DYNC2H1: variants seen among roughly 807,000 people sequenced by gnomAD.
The protein encoded by DYNC2H1 is cytoplasmic dynein 2 heavy chain 1.
A neutral mutation model predicts 570.0 loss-of-function variants in DYNC2H1; 410 were observed. The observed-to-expected ratio is 0.72, with a 90% CI of 0.66 to 0.78. The LOEUF is 0.78. DYNC2H1 is among the 30% of genes least tolerant of loss of function. The pLI is 0.00. For synonymous variants in DYNC2H1, 1,688 were observed against 1,677.6 expected, an observed-to-expected ratio of 1.01 and a Z score of -0.15; for missense variants, 4,865 against 5,046.4, an observed-to-expected ratio of 0.96 and a Z score of 1.09.
chr11:103,143,092 C>A (rs1416127905), intron 17 of DYNC2H1, among the ~76,000 whole-genome samples, 176 bp from the exon 18 acceptor site: 1 of 152,156 alleles, frequency 6.6e-6, no homozygotes, highest in African/African-American at 2.4e-5. Context: ...CATATTAAAT[C>A]TCTTTTTTCT....
At chr11:103,449,234 G>A (rs1944520412) in intron 85 of DYNC2H1, among the ~76,000 whole-genome samples, 1 of 152,160 alleles carries the variant, frequency 6.6e-6, no homozygotes, top group Non-Finnish European at 1.5e-5. Context: ...CAGAAGTTAG[G>A]TAGTGAGGGG....
At chr11:103,464,397 A>T (rs1365522516) in intron 87 of DYNC2H1, among the ~76,000 whole-genome samples, 2 of 152,222 alleles carry the variant, frequency 1.3e-5, no homozygotes, top group African/African-American at 4.8e-5. Flanking sequence ...ACCTATTTCT[A>T]AAAGGATTTC....
chr11:103,465,256 T>C lies in DYNC2H1; in HGVS notation c.12649-3333T>C, dbSNP rs2135838580. On this transcript the variant is annotated intron_variant, in intron 87 of 88. Coordinates refer to ENST00000375735, the MANE Select transcript of DYNC2H1 (RefSeq NM_001377.3). This position sits in a 1 kb window ranked among gnomAD's most constrained non-coding sequence, Gnocchi z 4.9. ...GACTGGGGAAAAAATAAAATCCAGT[T>C]AAATGTTACTTAAAGATATACATTT... Among the ~76,000 whole-genome samples, 1 of 152,312 alleles carries C rather than the reference T, an allele frequency of 6.6e-6. No homozygotes were observed. Among genetic ancestry groups the C allele is most frequent in the South Asian group, 2.1e-4 (1 of 4,828 alleles).
In DYNC2H1 at chr11:103,116,607, T is replaced by C. The variant is rs758319237; in HGVS notation, c.659T>C (p.Val220Ala). Reference sequence around the variant, plus strand: ...TTGGACAGTCTATCCTTACTAGAAGTTGTTGACTTGGTGGAGACTACTCAG... The same window carrying C: ...TTGGACAGTCTATCCTTACTAGAAGCTGTTGACTTGGTGGAGACTACTCAG... The part of the protein sequence containing the change: ...YNLDSLSLLE[V>A]VDLVETTQDV... Residue 220 changes from valine to alanine, a missense_variant, in exon 5 of 89, where the codon GTT (valine) becomes GCT (alanine). This residue lies in a region of DYNC2H1 where 1,936 missense variants were observed against 1,962.1 expected (regional missense o/e 0.99). Transcript: ENST00000375735. 2 of 1,608,170 alleles carry C rather than the reference T, an allele frequency of 1.2e-6. No homozygotes were observed. The highest frequency in any genetic ancestry group is 1.1e-5 in the South Asian group (1 of 90,114).
At chr11:103,281,526 A>G (rs141403946) in intron 71 of DYNC2H1, among the ~76,000 whole-genome samples, 1 of 151,900 alleles carries the variant, frequency 6.6e-6, no homozygotes, top group African/African-American at 2.4e-5. Flanking sequence ...TGAAGCCAGA[A>G]AATATGTTGC....
At chr11:103,462,929 A>C (rs1164087456) in intron 87 of DYNC2H1, among the ~76,000 whole-genome samples, 1 of 152,212 alleles carries the variant, frequency 6.6e-6, no homozygotes, top group Non-Finnish European at 1.5e-5. Context: ...AAATGTACAA[A>C]TTTCAGAGTA....
At position 103,155,462 on chromosome 11, in the gene DYNC2H1, A is replaced by T. The variant is rs1860773352; in HGVS notation, c.3705A>T (p.Arg1235Ser). Residue 1235 changes from arginine (R) to serine (S), a missense_variant, in exon 25 of 89, where the codon AGA becomes AGT. Physicochemically the swap from Arg to Ser is moderately radical, Grantham distance 110. Transcript: ENST00000375735. Reference protein sequence around the residue: ...LEKLLFGDLLRVADTIVAKAA... With the variant: ...LEKLLFGDLLSVADTIVAKAA... The stretch of plus-strand genomic sequence containing the variant: ...AACTACTGTTTGGTGATTTGCTCAG[A>T]GTAGCTGATACAATTGTAGCCAAAG... The T allele has an allele frequency of 3.7e-6, 6 of 1,611,890 alleles. No individual in the cohort carries two copies. The highest frequency in any genetic ancestry group is 5.1e-6 in the Non-Finnish European group (6 of 1,178,922).
At chr11:103,396,010 G>A (rs1451941491) in intron 83 of DYNC2H1, among the ~76,000 whole-genome samples, 1 of 152,028 alleles carries the variant, frequency 6.6e-6, no homozygotes, top group Admixed American at 6.5e-5. Flanking sequence ...TAAAGTGACT[G>A]TTCATCGAGT....
At chr11:103,166,323 A>G (rs925263984) in intron 31 of DYNC2H1, among the ~76,000 whole-genome samples, 3 of 152,112 alleles carry the variant, frequency 2.0e-5, no homozygotes, top group African/African-American at 7.2e-5. Flanking sequence ...TGAAAACTCC[A>G]TGAGATTATG....
At chr11:103,374,142 T>G (rs1322946875) in intron 83 of DYNC2H1, among the ~76,000 whole-genome samples, 2 of 152,202 alleles carry the variant, frequency 1.3e-5, no homozygotes, top group Non-Finnish European at 2.9e-5. Context: ...AATTGGAGAA[T>G]GATATGGTTT....
chr11:103,121,972 T>A (rs1858742923), intron 10 of DYNC2H1, among the ~76,000 whole-genome samples: 1 of 152,064 alleles, frequency 6.6e-6, no homozygotes, highest in South Asian at 2.1e-4. Flanking sequence ...ATTGTAAAAT[T>A]TTAGTAGTTG....
intron 70 of DYNC2H1, among the ~76,000 whole-genome samples, chr11:103,267,830 T>A (rs966228678): frequency 6.6e-6 from 1 of 151,952 alleles, no homozygotes; most frequent in African/African-American, 2.4e-5. Flanking sequence ...ATATAATTTT[T>A]AAATTTTTCT....
At chr11:103,411,997 C>A (rs12791999) in intron 84 of DYNC2H1, among the ~76,000 whole-genome samples, 8,981 of 152,022 alleles carry the variant, frequency 0.059, 507 homozygotes, top group East Asian at 0.19. Flanking sequence ...TCTTAGAAAT[C>A]GTTTAGGCTG....
At chr11:103,115,400 A>G (rs1858335523) in intron 4 of DYNC2H1, 105 bp downstream of exon 4, 1 of 658,148 alleles carries the variant, frequency 1.5e-6, no homozygotes, top group Admixed American at 3.3e-5. Context: ...GATGATTGTG[A>G]ACAAAATAGA....
In DYNC2H1 at chr11:103,231,315, G is replaced by T. The variant is rs565937214; in HGVS notation, c.9409G>T (p.Val3137Phe). Reference sequence around the variant, plus strand: ...GAAACTAGAGGAGCTTCTTAATTCTGTTGGTCAAAAGGTATCAGAACTCAA... The same window carrying T: ...GAAACTAGAGGAGCTTCTTAATTCTTTTGGTCAAAAGGTATCAGAACTCAA... Reference protein sequence around the residue: ...KRKLEELLNSVGQKVSELKEK... With the variant: ...KRKLEELLNSFGQKVSELKEK... The change falls in exon 60 of 89, where the codon GTT becomes TTT. Residue 3137 changes from valine to phenylalanine, a missense_variant. Physicochemically the swap from Val to Phe is conservative, Grantham distance 50. Transcript: ENST00000375735. 3.1e-6 allele frequency: 5 copies of T among 1,607,344 alleles called. No individual in the cohort carries two copies. The highest frequency in any genetic ancestry group is 3.4e-5 in the Admixed American group (2 of 59,210).
chr11:103,247,247 A>G (rs1298900906), intron 65 of DYNC2H1, among the ~76,000 whole-genome samples: 2 of 152,084 alleles, frequency 1.3e-5, no homozygotes, highest in African/African-American at 2.4e-5. Context: ...GAGTTTGAGT[A>G]TGGAACCAGG....
chr11:103,243,295 A>T lies in DYNC2H1; in HGVS notation c.9820-398A>T. Among the ~76,000 whole-genome samples, 1 of 123,520 alleles carries T rather than the reference A, an allele frequency of 8.1e-6. No homozygotes were observed. The highest frequency in any genetic ancestry group is 4.1e-3 in the Middle Eastern group (1 of 244). 81.0% of individuals were successfully genotyped at this position (123,520 alleles called of 152,430 possible). On this transcript the variant is annotated intron_variant, in intron 63 of 88. Transcript: ENST00000375735. This position sits in a 1 kb window ranked among gnomAD's most constrained non-coding sequence, Gnocchi z 4.8. ...TAGATAGATAGATAGATAGATAGAT[A>T]GATAGATAGATAAATAGAGAATAAT...
chr11:103,319,698 A>T lies in DYNC2H1; in HGVS notation c.11726-1331A>T, dbSNP rs951506218. Among the ~76,000 whole-genome samples, 4 of 152,230 alleles carry T rather than the reference A, an allele frequency of 2.6e-5. No homozygotes were observed. The highest frequency in any genetic ancestry group is 5.9e-5 in the Non-Finnish European group (4 of 68,032). ...TAAGATTTTCTTATAAAAATTCGATAAAATATTTCACATAATGGCTGCTGT... is the reference window on the plus strand; with the variant it reads ...TAAGATTTTCTTATAAAAATTCGATTAAATATTTCACATAATGGCTGCTGT... On this transcript the variant is annotated intron_variant, in intron 80 of 88. Coordinates refer to ENST00000375735, the MANE Select transcript of DYNC2H1 (RefSeq NM_001377.3). This position sits in a 1 kb window ranked among gnomAD's most constrained non-coding sequence, Gnocchi z 4.3.
chr11:103,247,976 G>T (rs1355612863), intron 65 of DYNC2H1, among the ~76,000 whole-genome samples: 1 of 151,996 alleles, frequency 6.6e-6, no homozygotes, highest in Non-Finnish European at 1.5e-5. Flanking sequence ...CTCTTGCAAG[G>T]GCTATGATTT....
Sources: allele counts gnomAD v4.1 joint callset (sites outside exome capture counted in the v4.1 genomes callset), GRCh38; gene constraint gnomAD v4.1.1; regional missense constraint gnomAD v4.1.1; non-coding constraint Gnocchi (gnomAD v3.1); transcripts MANE v1.5; gene names NCBI Gene and HGNC (gene_info 2026-07-23, HGNC 2026-07-21).